SHF: variants seen among roughly 807,000 people sequenced by gnomAD.
SHF encodes the protein SH2 domain-containing adapter protein F.
A neutral mutation model predicts 42.4 loss-of-function variants in SHF; 30 were observed. That is an observed-to-expected ratio of 0.71 (90% CI 0.53 to 0.96). SHF has a LOEUF of 0.96. Among genes scored for constraint, SHF ranks in the 40% least tolerant of loss-of-function variants. The probability of loss-of-function intolerance (pLI) is 0.00; values close to 1 mark genes in which losing one functional copy is unlikely to be tolerated. For synonymous variants in SHF, 264 were observed against 269.9 expected (o/e 0.98, Z 0.21); for missense variants, 598 against 634.0 (o/e 0.94, Z 0.61).
At chr15:45,177,268 C>T (rs890784674) in intron 2 of SHF, among the ~76,000 whole-genome samples, 5 of 152,180 alleles carry the variant, frequency 3.3e-5, no homozygotes, top group African/African-American at 1.2e-4. Context: ...AGCTCTGGCT[C>T]TTCTTTTGCA....
At chr15:45,190,241 C>T (rs1898676409), upstream of SHF, among the ~76,000 whole-genome samples, 1 of 152,138 alleles carries the variant, frequency 6.6e-6, no homozygotes, top group African/African-American at 2.4e-5. Flanking sequence ...AAATAACGTG[C>T]ATATTTTTAA....
At position 45,172,272 on chromosome 15, in the gene SHF, C is replaced by T; in HGVS notation, c.1035G>A (p.Glu345=). The part of the protein sequence containing the change: ...PEKSCLSPGR[E]EKGRLPPRLS... ...GTCGGGGAGGTAGCCGCCCCTTCTC[C>T]TCCCGGCCAGGTGACAGGCAGCTCT... The change falls in exon 5 of 7, where the codon GAG becomes GAA. Residue 345 remains glutamate, a synonymous_variant. Coordinates refer to ENST00000690270, the MANE Select transcript of SHF (RefSeq NM_001394037.1). 6.2e-7 allele frequency: 1 copy of T among 1,612,636 alleles called. No individual in the cohort carries two copies. The highest frequency in any genetic ancestry group is 8.5e-7 in the Non-Finnish European group (1 of 1,179,136).
chr15:45,193,598 G>A (rs1252471925), intron 2 of SHF, among the ~76,000 whole-genome samples: 2 of 152,202 alleles, frequency 1.3e-5, no homozygotes, highest in African/African-American at 4.8e-5. Context: ...ATTCAGTCAT[G>A]AGCCTCAGAG....
intron 3 of SHF, 95 bp downstream of exon 3, chr15:45,175,124 C>T: frequency 7.4e-7 from 1 of 1,350,392 alleles, no homozygotes; most frequent in Non-Finnish European, 1.0e-6. Flanking sequence ...GATCCTGGGC[C>T]TCTCTGGGTT....
At chr15:45,198,049 A>AT (rs1898921670) in intron 2 of SHF, among the ~76,000 whole-genome samples, 1 of 152,120 alleles carries the variant, frequency 6.6e-6, no homozygotes, top group African/African-American at 2.4e-5. Flanking sequence ...TGTATTCCCT[A>AT]TTTAAAAATA....
rs80276511 is a variant in SHF at position 45,178,271 on chromosome 15, A to T, written c.534T>A (p.Asp178Glu). The T allele has an allele frequency of 3.7e-6, 6 of 1,613,954 alleles. No individual in the cohort carries two copies. The East Asian group carries it at 1.3e-4, about 36-fold the overall frequency. The change falls in exon 2 of 7, where the codon GAT (aspartate) becomes GAA (glutamate). Residue 178 changes from aspartate (D) to glutamate (E), a missense_variant. Around this residue, in one of 2 missense-constraint regions of SHF, gnomAD observed 439 missense variants for 524.6 expected, o/e 0.84. Coordinates refer to ENST00000690270, the MANE Select transcript of SHF (RefSeq NM_001394037.1). Reference sequence around the variant, plus strand: ...CTGAGCCTTCGCCAGTCTCCTGAACATCAAACGGGTCCGCATAGTCTTCTA... The same window carrying T: ...CTGAGCCTTCGCCAGTCTCCTGAACTTCAAACGGGTCCGCATAGTCTTCTA... Reference protein sequence around the residue: ...AILEDYADPFDVQETGEGSAG... With the variant: ...AILEDYADPFEVQETGEGSAG...
intron 2 of SHF, 22 bp downstream of exon 2, chr15:45,178,143 C>T (rs901519582): frequency 6.2e-7 from 1 of 1,607,198 alleles, no homozygotes; most frequent in South Asian, 1.1e-5. Context: ...CAGGGAGCAC[C>T]TCCCCTGCCC....
chr15:45,195,337 T>C (rs1417442345), intron 2 of SHF, among the ~76,000 whole-genome samples: 1 of 152,226 alleles, frequency 6.6e-6, no homozygotes, highest in Non-Finnish European at 1.5e-5. Flanking sequence ...GCATAAACTT[T>C]TTTGACTCTT....
chr15:45,170,279 ATT>A, intron 6 of SHF: 1 of 1,110,468 alleles, frequency 9.0e-7, no homozygotes, highest in South Asian at 1.6e-5. Context: ...CTTTGAATTT[ATT>A]TTCTGTCTAT....
intron 1 of SHF, among the ~76,000 whole-genome samples, chr15:45,181,389 A>G (rs1898119012): frequency 6.6e-6 from 1 of 152,202 alleles, no homozygotes; most frequent in African/African-American, 2.4e-5. Flanking sequence ...CTGGGCATAG[A>G]AGTTCCTGGG....
At chr15:45,178,027 A>G (rs1897916278) in intron 2 of SHF, 138 bp downstream of exon 2, 1 of 1,192,672 alleles carries the variant, frequency 8.4e-7, no homozygotes. Context: ...GGCAATGACC[A>G]TCCTCCCTAA....
intron 1 of SHF, among the ~76,000 whole-genome samples, chr15:45,182,141 A>C (rs1898157176): frequency 6.6e-6 from 1 of 151,656 alleles, no homozygotes; most frequent in African/African-American, 2.4e-5. Context: ...TTCCTCTTCC[A>C]CTCTGCAATT....
chr15:45,199,020 C>T (rs752024439), exon 2 of SHF: 1 of 1,608,836 alleles, frequency 6.2e-7, no homozygotes, highest in South Asian at 1.1e-5. Flanking sequence ...CGCGAACCCT[C>T]CAGGGTTCCG....
chr15:45,181,699 G>A (rs924193867), intron 1 of SHF, among the ~76,000 whole-genome samples: 2 of 152,126 alleles, frequency 1.3e-5, no homozygotes, highest in South Asian at 4.1e-4. Flanking sequence ...AATGGCTGCA[G>A]GATCAGGCTC....
At position 45,198,776 on chromosome 15, in the gene SHF, C is replaced by T. The variant is rs16940558; in HGVS notation, c.299G>A (p.Arg100His). The T allele has an allele frequency of 0.011, 17,144 of 1,608,170 alleles. 1,137 individuals are homozygous for T. The African/African-American group carries it at 0.15, about 14-fold the overall frequency. Residue 100 changes from arginine to histidine, a missense_variant, in exon 2 of 8, where the codon CGC becomes CAC. Physicochemically the swap from Arg to His is conservative, Grantham distance 29 (BLOSUM62 0). Transcript: ENST00000290894. The stretch of plus-strand genomic sequence containing the variant: ...GTCATTAAATGGCCTACTTACGGGG[C>T]GAGGTTCCAGCCTGTCCCTGAGTCT...
chr15:45,189,640 C>G (rs969948237), upstream of SHF, among the ~76,000 whole-genome samples: 1 of 152,040 alleles, frequency 6.6e-6, no homozygotes. Flanking sequence ...TTCCCCACCT[C>G]GGCCTTCCAA....
rs749051937 is a variant in SHF, at chr15:45,175,314, C to T, written c.752G>A (p.Arg251Gln). 37 of 1,607,892 alleles carry T rather than the reference C, an allele frequency of 2.3e-5. No homozygotes were observed. Among genetic ancestry groups the T allele is most frequent in the African/African-American group, 9.3e-5 (7 of 74,916 alleles). Residue 251 changes from arginine (R) to glutamine (Q), a missense_variant, in exon 3 of 7, where the codon CGG (arginine) becomes CAG (glutamine). Transcript: ENST00000690270. ...TAEGEGAPWP[R>Q]ESRLPEDDER... is the part of the protein sequence containing the mutation. ...ATCATCCTCTGGCAGGCGGGACTCC[C>T]GGGGCCAGGGGGCCCCCTCACCTTC... is the stretch of plus-strand genomic sequence containing the variant.
upstream of SHF, among the ~76,000 whole-genome samples, chr15:45,192,528 C>T (rs1186227774): frequency 4.0e-5 from 6 of 151,856 alleles, no homozygotes; most frequent in Non-Finnish European, 5.9e-5. Context: ...CCACCATGCC[C>T]GGCTGATTTT....
At chr15:45,178,095 TTG>T in intron 2 of SHF, 68 bp downstream of exon 2, 1 of 1,545,060 alleles carries the variant, frequency 6.5e-7, no homozygotes, top group Non-Finnish European at 8.7e-7. Context: ...GTCCTTAGAC[TTG>T]TGAGTCGCAA....
Sources: gnomAD v4.1 joint callset for allele counts (sites outside exome capture counted in the v4.1 genomes callset) on GRCh38, gnomAD v4.1.1 for gene constraint, gnomAD v4.1.1 regional missense constraint, MANE v1.5 for transcripts, NCBI Gene and HGNC (gene_info 2026-07-23, HGNC 2026-07-21) for gene names.